Variants in MGST2 observed in about 807,000 individuals in gnomAD.
MGST2 encodes glutathione peroxidase MGST2.
Under a neutral mutation model 16.6 loss-of-function variants are expected in MGST2, and 9 were observed. The ratio of observed to expected loss-of-function variants is 0.54; its 90% confidence interval spans 0.33 to 0.95. The LOEUF (loss-of-function observed/expected upper bound fraction) is 0.95. MGST2 is among the 40% of genes least tolerant of loss of function. MGST2 has a pLI of 0.03. For missense variants in MGST2, 159 were observed against 175.1 expected (o/e 0.91, Z 0.52); for synonymous variants, 79 against 68.0 (o/e 1.16, Z -0.79).
At chr4:139,731,180 T>C (rs1338468092) in intron 5 of MGST2, 1 of 161,986 alleles carries the variant, frequency 6.2e-6, no homozygotes, top group Non-Finnish European at 1.4e-5. Flanking sequence ...TCTAACGAGT[T>C]GCAACATTTG....
intron 2 of MGST2, among the ~76,000 whole-genome samples, chr4:139,687,034 T>G (rs1486989791): frequency 6.6e-6 from 1 of 152,252 alleles, no homozygotes; most frequent in East Asian, 1.9e-4. Flanking sequence ...GTCCCAGGAA[T>G]AAAACTGAAC....
chr4:139,666,382 C>T (rs922077047), intron 1 of MGST2, among the ~76,000 whole-genome samples: 4 of 151,942 alleles, frequency 2.6e-5, no homozygotes, highest in South Asian at 2.1e-4. Context: ...ACCCACAGCC[C>T]GTTCAAACGA....
chr4:139,753,562 C>T, the MGST2 span, among the ~76,000 whole-genome samples: 1 of 152,036 alleles, frequency 6.6e-6, no homozygotes, highest in African/African-American at 2.4e-5. Flanking sequence ...CTAAAACTAC[C>T]ATGAAAATAA....
intron 2 of MGST2, 195 bp downstream of exon 2, chr4:139,678,837 C>T: frequency 1.6e-6 from 1 of 621,180 alleles, no homozygotes; most frequent in South Asian, 1.9e-5. Flanking sequence ...TCTCTGCCCA[C>T]ATCTATTACC....
At chr4:139,723,107 CTA>C (rs1271102902) in intron 5 of MGST2, among the ~76,000 whole-genome samples, 2 of 152,218 alleles carry the variant, frequency 1.3e-5, no homozygotes, top group African/African-American at 2.4e-5. Context: ...GATATCATAT[CTA>C]TATGAGTGCG....
chr4:139,735,672 GA>G lies in MGST2; in HGVS notation c.*49-4535del, dbSNP rs1728910066. Among the ~76,000 whole-genome samples, 2 of 152,196 alleles carry G rather than the reference GA, an allele frequency of 1.3e-5. No homozygotes were observed. The highest frequency in any genetic ancestry group is 2.4e-5 in the African/African-American group (1 of 41,450). ...CCTAAATGAAATTTAGGGTTTTATT[GA>G]AAAAGTCCCCTGGGGCCTAATTTAG... is the stretch of plus-strand genomic sequence containing the variant. On this transcript the variant is annotated intron_variant, in intron 5 of 5. Coordinates refer to the MGST2 transcript ENST00000616265. This position sits in a 1 kb window ranked among gnomAD's most constrained non-coding sequence, Gnocchi z 5.8.
chr4:139,692,335 C>T (rs946040927), intron 2 of MGST2, among the ~76,000 whole-genome samples: 1 of 152,226 alleles, frequency 6.6e-6, no homozygotes, highest in African/African-American at 2.4e-5. Context: ...TCCCAGCACC[C>T]CGGTTCCCCA....
chr4:139,753,680 A>G, the MGST2 span, among the ~76,000 whole-genome samples: 2 of 152,220 alleles, frequency 1.3e-5, no homozygotes, highest in Non-Finnish European at 2.9e-5. Flanking sequence ...GTGAGAATTA[A>G]TAAGTTTACA....
downstream of MGST2, among the ~76,000 whole-genome samples, chr4:139,706,527 G>A (rs1453835870): frequency 6.6e-6 from 1 of 152,190 alleles, no homozygotes; most frequent in African/African-American, 2.4e-5. Flanking sequence ...GACCAATGAA[G>A]GATGAGAATG....
At chr4:139,666,921 G>T (rs970875143) in intron 1 of MGST2, among the ~76,000 whole-genome samples, 2 of 152,216 alleles carry the variant, frequency 1.3e-5, no homozygotes, top group Non-Finnish European at 2.9e-5. Context: ...TCAATGTCTT[G>T]CCTAGCCAGT....
At position 139,715,818 on chromosome 4, in the gene MGST2, TTA is replaced by T. The variant is rs1727930525; in HGVS notation, c.*48+11624_*48+11625del. Among the ~76,000 whole-genome samples the T allele has an allele frequency of 6.6e-6, 1 of 152,172 alleles. No homozygotes were observed. The highest frequency in any genetic ancestry group is 1.5e-5 in the Non-Finnish European group (1 of 68,030). On this transcript the variant is annotated intron_variant, in intron 5 of 5. Coordinates refer to the MGST2 transcript ENST00000616265. This position sits in a 1 kb window ranked among gnomAD's most constrained non-coding sequence, Gnocchi z 4.4. ...GCTGGCTCCTTTACTGCAAACTGTTTTATCAGCAAGGTCTTTATGCCGTGTAT... is the reference window on the plus strand; with the variant it reads ...GCTGGCTCCTTTACTGCAAACTGTTTTCAGCAAGGTCTTTATGCCGTGTAT...
In MGST2 at chr4:139,723,500, C is replaced by T. The variant is rs1017712342; in HGVS notation, c.*49-16712C>T. 4.6e-5 allele frequency among the ~76,000 whole-genome samples: 7 copies of T among 152,140 alleles called. No individual in the cohort carries two copies. In the Middle Eastern group the frequency reaches 0.01, roughly 222 times the overall value. On this transcript the variant is annotated intron_variant, in intron 5 of 5. Transcript: ENST00000616265. ...TAATTTTTTGTATTTTTAGTAGAGACGGGGTTTCTCCATGTTGGTCAGGCT... is the reference window on the plus strand; with the variant it reads ...TAATTTTTTGTATTTTTAGTAGAGATGGGGTTTCTCCATGTTGGTCAGGCT...
intron 2 of MGST2, among the ~76,000 whole-genome samples, chr4:139,688,659 A>G (rs1013298795): frequency 4.6e-5 from 7 of 152,214 alleles, no homozygotes; most frequent in African/African-American, 1.4e-4. Flanking sequence ...TTTTTCAGGT[A>G]TTGTGCAACT....
chr4:139,719,300 G>C (rs564706287), intron 5 of MGST2: 1 of 1,540,536 alleles, frequency 6.5e-7, no homozygotes, highest in African/African-American at 1.4e-5. Context: ...CACTCGAGTT[G>C]TGGATCTTGG....
intron 3 of MGST2, among the ~76,000 whole-genome samples, chr4:139,698,842 G>A (rs1282409285): frequency 3.6e-5 from 5 of 139,596 alleles, no homozygotes; most frequent in Non-Finnish European, 7.7e-5. Flanking sequence ...TTTTTCCACT[G>A]GTCCTTGCAC....
rs375301822 is a variant in MGST2, at chr4:139,735,601, C to G, written c.*49-4611C>G. Among the ~76,000 whole-genome samples the G allele has an allele frequency of 4.1e-4, 62 of 152,328 alleles. 1 individual carries two copies. In the East Asian group the frequency reaches 0.011, roughly 26 times the overall value. ...AGCGAGCCTCGGGTCGGCCCGGCAC[C>G]GCTGCTTCGGCTCAGAGTCCTTGCA... On this transcript the variant is annotated intron_variant, in intron 5 of 5. Transcript: ENST00000616265. This position sits in a 1 kb window ranked among gnomAD's most constrained non-coding sequence, Gnocchi z 5.8.
intron 2 of MGST2, among the ~76,000 whole-genome samples, chr4:139,687,374 A>G (rs1397075687): frequency 6.6e-6 from 1 of 152,236 alleles, no homozygotes; most frequent in Non-Finnish European, 1.5e-5. Context: ...AACCAAATCA[A>G]GAGTCATTGC....
chr4:139,752,381 C>T, the MGST2 span, among the ~76,000 whole-genome samples: 2 of 152,174 alleles, frequency 1.3e-5, no homozygotes, highest in African/African-American at 2.4e-5. Context: ...ATACAACCAC[C>T]AGGTCTAGCA....
At chr4:139,678,106 T>C (rs1025386483) in intron 1 of MGST2, among the ~76,000 whole-genome samples, 1 of 152,238 alleles carries the variant, frequency 6.6e-6, no homozygotes, top group South Asian at 2.1e-4. Context: ...CTGCTATGTA[T>C]ACATATGAAA....
Sources: allele counts gnomAD v4.1 joint callset (sites outside exome capture counted in the v4.1 genomes callset), GRCh38; gene constraint gnomAD v4.1.1; non-coding constraint Gnocchi (gnomAD v3.1); transcripts MANE v1.5; gene names NCBI Gene and HGNC (gene_info 2026-07-23, HGNC 2026-07-21).